The following FNDC3B variants were observed in gnomAD, a reference collection of about 807,000 sequenced individuals.
FNDC3B encodes the protein fibronectin type III domain-containing protein 3B.
A neutral mutation model predicts 151.5 loss-of-function variants in FNDC3B; 12 were observed. The ratio of observed to expected loss-of-function variants is 0.08; its 90% CI spans 0.05 to 0.13. The LOEUF (loss-of-function observed/expected upper bound fraction) is 0.13, where lower values mean the gene tolerates loss of function less well. FNDC3B is among the 10% of genes least tolerant of loss of function. The pLI is 1.00. For missense variants in FNDC3B, 1,214 were observed against 1,505.3 expected, an observed-to-expected ratio of 0.81 and a Z score of 3.20; for synonymous variants, 528 against 549.0, an observed-to-expected ratio of 0.96 and a Z score of 0.54.
At chr3:172,350,059 T>A (rs1159513513) in intron 21 of FNDC3B, among the ~76,000 whole-genome samples, 1 of 152,166 alleles carries the variant, frequency 6.6e-6, no homozygotes, top group Non-Finnish European at 1.5e-5. Flanking sequence ...TCTGTACTAT[T>A]TTTGCAACTT....
At chr3:172,127,192 G>C (rs143143815) in intron 2 of FNDC3B, 14 of 419,002 alleles carry the variant, frequency 3.3e-5, no homozygotes, top group African/African-American at 2.9e-4. Context: ...AAAGAAGTTG[G>C]GGGTAGAAGG....
chr3:172,057,585 G>A (rs565903369), intron 1 of FNDC3B, among the ~76,000 whole-genome samples: 11 of 152,132 alleles, frequency 7.2e-5, no homozygotes, highest in Non-Finnish European at 1.2e-4. Flanking sequence ...CATAAACACA[G>A]TTGAATGGAA....
At chr3:172,277,281 T>A (rs569511314) in intron 6 of FNDC3B, among the ~76,000 whole-genome samples, 21 of 152,314 alleles carry the variant, frequency 1.4e-4, no homozygotes, top group Admixed American at 1.3e-3. Flanking sequence ...ATTGGGTGGC[T>A]TAAGCAACAA....
At position 172,310,897 on chromosome 3, in the gene FNDC3B, T is replaced by C; in HGVS notation, c.1254+16T>C. On this transcript the variant is annotated intron_variant, in intron 11 of 25. Transcript: ENST00000415807. ...GTGGGATGAGGTAAGCTTATTTTCA[T>C]ATTCACCCATCTAAAACACCATTTC... is the stretch of plus-strand genomic sequence containing the variant. The C allele has an allele frequency of 6.3e-7, 1 of 1,587,376 alleles. No homozygotes were observed. Among genetic ancestry groups the C allele is most frequent in the Non-Finnish European group, 8.7e-7 (1 of 1,155,570 alleles).
At chr3:172,368,403 A>T (rs1262567644) in intron 23 of FNDC3B, among the ~76,000 whole-genome samples, 1 of 152,186 alleles carries the variant, frequency 6.6e-6, no homozygotes. Context: ...AATGAAACAG[A>T]TGTGAGGCAG....
intron 9 of FNDC3B, among the ~76,000 whole-genome samples, chr3:172,306,427 G>A (rs528382273): frequency 8.1e-4 from 123 of 152,306 alleles, no homozygotes; most frequent in African/African-American, 2.9e-3. Flanking sequence ...CAGAGAGGGT[G>A]GCTATAAGAA....
At chr3:172,065,944 A>G (rs1478506236) in intron 1 of FNDC3B, among the ~76,000 whole-genome samples, 1 of 152,192 alleles carries the variant, frequency 6.6e-6, no homozygotes, top group East Asian at 1.9e-4. Context: ...ATAATGATGT[A>G]GAGGTATGAT....
At position 172,401,586 on chromosome 3, in the gene FNDC3B, A is replaced by G. The variant is rs1183070349; in HGVS notation, c.*4111A>G. On this transcript the variant is annotated 3_prime_UTR_variant, in exon 26 of 26. Transcript: ENST00000415807. ...TGCTTCCTCTCCCCTGACGAACTCT[A>G]TAGAGTGTTCATGTCCTTTCCTGCA... The G allele has an allele frequency of 2.6e-5, 4 of 152,274 alleles. 1 individual carries two copies. The highest frequency in any genetic ancestry group is 1.5e-5 in the Non-Finnish European group (1 of 68,104). The allele number at this position is 152,274 out of a possible 1,614,324, so 9.4% of individuals were successfully genotyped here. A position where few individuals can be genotyped will look rare whatever the true frequency, so the allele number is the denominator to read the frequency against.
intron 7 of FNDC3B, among the ~76,000 whole-genome samples, chr3:172,291,336 TGCTCAAAA>T (rs1173196085): frequency 6.6e-6 from 1 of 152,216 alleles, no homozygotes; most frequent in Non-Finnish European, 1.5e-5. Context: ...TCCTTCAAGG[TGCTCAAAA>T]GCAGTTTAGT....
intron 24 of FNDC3B, among the ~76,000 whole-genome samples, chr3:172,379,142 A>G: frequency 6.6e-6 from 1 of 152,216 alleles, no homozygotes; most frequent in African/African-American, 2.4e-5. Flanking sequence ...CTTGCAAGGC[A>G]GGAAATAGCA....
chr3:172,106,697 A>T (rs1177070160), intron 1 of FNDC3B, among the ~76,000 whole-genome samples: 2 of 152,202 alleles, frequency 1.3e-5, no homozygotes, highest in Admixed American at 6.5e-5. Context: ...CATTCTTCCT[A>T]GTATATAATT....
intron 1 of FNDC3B, among the ~76,000 whole-genome samples, chr3:172,091,798 A>T (rs148354087): frequency 9.1e-4 from 138 of 152,164 alleles, no homozygotes; most frequent in African/African-American, 3.1e-3. Flanking sequence ...TCTTGACAAG[A>T]GTAGTCACTA....
chr3:172,039,787 G>A lies in FNDC3B; in HGVS notation c.-29+16G>A, dbSNP rs1207522005. On this transcript the variant is annotated intron_variant, in intron 1 of 25. Transcript: ENST00000415807. ...CCTAGGGAAGGTAAGGCGTGCAAGA[G>A]CCGGGGACTAGAGGAGACCGGGACC... 6.5e-6 allele frequency: 1 copy of A among 153,418 alleles called. No homozygotes were observed. Among genetic ancestry groups the A allele is most frequent in the Non-Finnish European group, 1.5e-5 (1 of 68,404 alleles). 9.5% of individuals were successfully genotyped at this position (153,418 alleles called of 1,614,324 possible). A position where few individuals can be genotyped will look rare whatever the true frequency, so the allele number is the denominator to read the frequency against.
At chr3:172,244,951 C>A (rs1373715674) in intron 4 of FNDC3B, among the ~76,000 whole-genome samples, 1 of 151,940 alleles carries the variant, frequency 6.6e-6, no homozygotes, top group Non-Finnish European at 1.5e-5. Flanking sequence ...TAAAATAAAT[C>A]TTTTTAATGA....
chr3:172,114,758 A>T (rs1200343595), intron 2 of FNDC3B, among the ~76,000 whole-genome samples: 1 of 152,176 alleles, frequency 6.6e-6, no homozygotes, highest in Admixed American at 6.5e-5. Flanking sequence ...ATTTTTATTA[A>T]ATCTTTTTTT....
chr3:172,259,663 A>C (rs1409436569), intron 6 of FNDC3B, among the ~76,000 whole-genome samples: 1 of 152,240 alleles, frequency 6.6e-6, no homozygotes, highest in Non-Finnish European at 1.5e-5. Flanking sequence ...TTTACAGCTC[A>C]ACAAAGAGGA....
At chr3:172,182,081 A>G (rs1028828573) in intron 3 of FNDC3B, among the ~76,000 whole-genome samples, 1 of 152,212 alleles carries the variant, frequency 6.6e-6, no homozygotes, top group African/African-American at 2.4e-5. Flanking sequence ...AGTGACTGCT[A>G]TGCCCAGGAC....
At chr3:172,099,530 T>C (rs1035145273) in intron 1 of FNDC3B, among the ~76,000 whole-genome samples, 1 of 152,126 alleles carries the variant, frequency 6.6e-6, no homozygotes, top group African/African-American at 2.4e-5. Context: ...ACAGGAGAGA[T>C]TGCACGGGGA....
intron 3 of FNDC3B, among the ~76,000 whole-genome samples, chr3:172,174,630 A>G (rs1301349713): frequency 6.6e-6 from 1 of 152,186 alleles, no homozygotes; most frequent in Non-Finnish European, 1.5e-5. Flanking sequence ...TGCTATTCAG[A>G]CTTCAGTCTT....
Sources: gnomAD v4.1 joint callset for allele counts (sites outside exome capture counted in the v4.1 genomes callset) on GRCh38, gnomAD v4.1.1 for gene constraint, MANE v1.5 for transcripts, NCBI Gene and HGNC (gene_info 2026-07-23, HGNC 2026-07-21) for gene names.